The following SRGAP3 variants were observed in gnomAD, a reference collection of about 807,000 sequenced individuals.
SRGAP3 encodes the protein SLIT-ROBO Rho GTPase activating protein 3, also known as SLIT-ROBO Rho GTPase-activating protein 3.
SRGAP3 carries 39 observed loss-of-function variants against 121.1 expected under a neutral mutation model. That is an observed-to-expected ratio of 0.32 (90% confidence interval 0.25 to 0.42). SRGAP3 has a LOEUF of 0.42. Ranked by LOEUF, SRGAP3 falls within the 10% of genes least tolerant of loss-of-function variation. The pLI is 1.00. For synonymous variants in SRGAP3, 601 were observed against 570.0 expected, an observed-to-expected ratio of 1.05 and a Z score of -0.77; for missense variants, 1,213 against 1,470.6, an observed-to-expected ratio of 0.82 and a Z score of 2.86.
intron 1 of SRGAP3, among the ~76,000 whole-genome samples, chr3:9,202,897 TGTGGGA>T (rs879923193): frequency 6.0e-4 from 92 of 152,328 alleles, no homozygotes; most frequent in Non-Finnish European, 9.1e-4. Context: ...CCTTTCCTTT[TGTGGGA>T]AAACCAACTG....
rs1007758078 is a variant in SRGAP3 at position 9,021,092 on chromosome 3, G to A, written c.1678+4169C>T. On this transcript the variant is annotated intron_variant, in intron 14 of 21. Transcript: ENST00000383836. ...CTGGCCACAGGTCCTCGAGCCCCTC[G>A]ACATGACAACCCCGCCCAGCATCTC... 2.8e-4 allele frequency among the ~76,000 whole-genome samples: 42 copies of A among 152,286 alleles called. 1 individual carries two copies. The highest frequency in any genetic ancestry group is 2.7e-3 in the South Asian group (13 of 4,822).
intron 1 of SRGAP3, among the ~76,000 whole-genome samples, chr3:9,181,592 T>C (rs541877712): frequency 7.8e-4 from 119 of 152,346 alleles, no homozygotes; most frequent in Non-Finnish European, 1.6e-3. Flanking sequence ...GGATGCCCTC[T>C]GCTCCTCAGG....
At chr3:9,327,387 CA>C (rs1955538406) in intron 2 of SRGAP3, among the ~76,000 whole-genome samples, 1 of 149,636 alleles carries the variant, frequency 6.7e-6, no homozygotes, top group African/African-American at 2.4e-5. Flanking sequence ...CTTTATTTAA[CA>C]ATCCTTTAAC....
intron 4 of SRGAP3, among the ~76,000 whole-genome samples, chr3:9,079,273 T>C (rs1026237031): frequency 6.6e-6 from 1 of 152,170 alleles, no homozygotes; most frequent in African/African-American, 2.4e-5. Flanking sequence ...CCTGGAGCTC[T>C]ACCTGCTGGG....
At chr3:9,176,799 GGCTAA>G (rs1171489111) in intron 1 of SRGAP3, among the ~76,000 whole-genome samples, 1 of 152,100 alleles carries the variant, frequency 6.6e-6, no homozygotes, top group Non-Finnish European at 1.5e-5. Flanking sequence ...CAAGGAGATG[GGCTAA>G]GCCATTCAAG....
At chr3:8,987,170 T>G (rs1281762624) in intron 21 of SRGAP3, among the ~76,000 whole-genome samples, 1 of 152,216 alleles carries the variant, frequency 6.6e-6, no homozygotes, top group Non-Finnish European at 1.5e-5. Flanking sequence ...CTTTGTAAAC[T>G]GCCAGGTGGT....
chr3:9,322,118 G>C (rs1169500153), intron 3 of SRGAP3, among the ~76,000 whole-genome samples: 1 of 151,668 alleles, frequency 6.6e-6, no homozygotes, highest in Non-Finnish European at 1.5e-5. Context: ...GGAAACTTAG[G>C]CTACTCATTT....
chr3:9,037,963 G>A, intron 11 of SRGAP3, 100 bp downstream of exon 11: 16 of 1,510,816 alleles, frequency 1.1e-5, no homozygotes, highest in Non-Finnish European at 1.5e-5. Context: ...TGGTGAAGAA[G>A]CCATCCCTGC....
rs144313306 is a variant in SRGAP3 at position 9,105,550 on chromosome 3, A to C, written c.261-708T>G. 1.2e-3 allele frequency among the ~76,000 whole-genome samples: 183 copies of C among 152,274 alleles called. 1 individual carries two copies. Among genetic ancestry groups the C allele is most frequent in the African/African-American group, 4.3e-3 (180 of 41,554 alleles). ...CTCCCAGACCAGCAGCAAGAGCATG[A>C]CCTGGGGACTGGTTAGAAATGCAGA... On this transcript the variant is annotated intron_variant, in intron 2 of 21. Transcript: ENST00000383836.
At chr3:9,222,677 C>T (rs17050187) in intron 1 of SRGAP3, among the ~76,000 whole-genome samples, 6,682 of 152,320 alleles carry the variant, frequency 0.044, 164 homozygotes, top group African/African-American at 0.056. Flanking sequence ...AACTGGCTAA[C>T]TTATCCATCA....
intron 1 of SRGAP3, among the ~76,000 whole-genome samples, chr3:9,335,993 T>C (rs760069843): frequency 4.9e-4 from 74 of 152,322 alleles, no homozygotes; most frequent in East Asian, 4.8e-3. Flanking sequence ...GTTGAGACTC[T>C]ACCTATCTCT....
intron 18 of SRGAP3, among the ~76,000 whole-genome samples, chr3:9,006,308 G>A (rs562890807): frequency 9.9e-5 from 15 of 151,250 alleles, no homozygotes; most frequent in Non-Finnish European, 1.9e-4. Context: ...GCTGAGGCAG[G>A]AGAATCGCTT....
chr3:9,229,810 G>A (rs918506557), intron 1 of SRGAP3, among the ~76,000 whole-genome samples: 5 of 152,146 alleles, frequency 3.3e-5, no homozygotes, highest in South Asian at 4.1e-4. Flanking sequence ...ATTAAACTTC[G>A]CATTTTTAGA....
intron 8 of SRGAP3, among the ~76,000 whole-genome samples, chr3:9,054,207 T>G (rs1945713276): frequency 6.6e-6 from 1 of 152,220 alleles, no homozygotes; most frequent in South Asian, 2.1e-4. Flanking sequence ...GAAAAACTAG[T>G]TCAGGCCATG....
chr3:9,190,131 G>C (rs1257364459), intron 1 of SRGAP3, among the ~76,000 whole-genome samples: 1 of 152,192 alleles, frequency 6.6e-6, no homozygotes, highest in Non-Finnish European at 1.5e-5. Context: ...GGCAAGAATA[G>C]AACAGAACTG....
At chr3:9,154,512 C>A (rs1219226083) in intron 1 of SRGAP3, among the ~76,000 whole-genome samples, 1 of 151,958 alleles carries the variant, frequency 6.6e-6, no homozygotes, top group Non-Finnish European at 1.5e-5. Context: ...CGTCTCAAGG[C>A]CCCACCCCAC....
chr3:9,266,493 A>T (rs1291648054), intron 3 of SRGAP3, among the ~76,000 whole-genome samples: 1 of 152,164 alleles, frequency 6.6e-6, no homozygotes, highest in Admixed American at 6.5e-5. Flanking sequence ...CCCAGTGCCT[A>T]CAACTATGCC....
At chr3:9,333,989 G>C (rs530594363) in intron 1 of SRGAP3, among the ~76,000 whole-genome samples, 1 of 152,096 alleles carries the variant, frequency 6.6e-6, no homozygotes, top group South Asian at 2.1e-4. Context: ...CACCCCTTTA[G>C]CATCACCAAC....
chr3:9,358,672 T>A (rs1351931759), intron 1 of SRGAP3, among the ~76,000 whole-genome samples: 3 of 152,230 alleles, frequency 2.0e-5, no homozygotes, highest in Non-Finnish European at 4.4e-5. Context: ...GTTGCAAGTT[T>A]GGGTCTCCAG....
Sources: allele counts gnomAD v4.1 joint callset (sites outside exome capture counted in the v4.1 genomes callset), GRCh38; gene constraint gnomAD v4.1.1; transcripts MANE v1.5; gene names NCBI Gene and HGNC (gene_info 2026-07-23, HGNC 2026-07-21).